Variants in PDXDC1 observed in about 807,000 individuals in gnomAD.
PDXDC1 encodes pyridoxal dependent decarboxylase domain containing 1, also known as pyridoxal-dependent decarboxylase domain-containing protein 1.
In PDXDC1, 42 loss-of-function variants were observed where a neutral mutation model predicts 100.1. That is an observed-to-expected ratio of 0.42 (90% CI 0.33 to 0.54). The LOEUF (loss-of-function observed/expected upper bound fraction) is 0.54, where lower values mean the gene tolerates loss of function less well. Among genes scored for constraint, PDXDC1 ranks in the 20% least tolerant of loss-of-function variants. The pLI is 0.10. For missense variants in PDXDC1, 636 were observed against 979.2 expected (o/e 0.65, Z 4.68); for synonymous variants, 260 against 371.7 (o/e 0.70, Z 3.46).
At chr16:14,993,132 A>T (rs1318711442) in intron 1 of PDXDC1, among the ~76,000 whole-genome samples, 2 of 152,254 alleles carry the variant, frequency 1.3e-5, no homozygotes. Flanking sequence ...TTTAAAAAAA[A>T]ATTTTTTTTT....
chr16:15,022,899 GAAACAAA>G (rs1567693989), intron 13 of PDXDC1, 145 bp downstream of exon 13: 2 of 741,124 alleles, frequency 2.7e-6, no homozygotes, highest in East Asian at 6.0e-5. Context: ...ACAAAAAAAC[GAAACAAA>G]AAACAAAAAC....
chr16:15,048,067 A>C (rs751364023), intron 16 of PDXDC1: 2 of 1,612,638 alleles, frequency 1.2e-6, no homozygotes, highest in African/African-American at 1.3e-5. Flanking sequence ...CCACTTGTTG[A>C]ACAGACTGAC....
intron 16 of PDXDC1, among the ~76,000 whole-genome samples, chr16:15,122,508 T>C (rs910240086): frequency 6.9e-6 from 1 of 145,818 alleles, no homozygotes; most frequent in African/African-American, 2.6e-5. Flanking sequence ...AGCTGTGTAA[T>C]TTCATGCCGC....
intron 16 of PDXDC1, chr16:15,048,071 G>T: frequency 6.2e-7 from 1 of 1,611,810 alleles, no homozygotes; most frequent in Non-Finnish European, 8.5e-7. Context: ...TTGTTGAACA[G>T]ACTGACCTCT....
At chr16:15,102,514 G>A (rs1397370336) in intron 16 of PDXDC1, among the ~76,000 whole-genome samples, 2 of 150,390 alleles carry the variant, frequency 1.3e-5, no homozygotes, top group East Asian at 2.0e-4. Flanking sequence ...AGAGAGAGGA[G>A]TCATGTGTCA....
At chr16:15,131,114 G>A (rs1382179198) in intron 16 of PDXDC1, 9 of 1,606,194 alleles carry the variant, frequency 5.6e-6, no homozygotes, top group Non-Finnish European at 7.6e-6. Flanking sequence ...TTGAGCTGCA[G>A]ATGCAGCACG....
intron 22 of PDXDC1, 95 bp downstream of exon 22, chr16:15,035,648 A>T (rs375599993): frequency 4.4e-6 from 3 of 677,946 alleles, no homozygotes; most frequent in Non-Finnish European, 7.4e-6. Context: ...CCAGAGGTCT[A>T]TTTCTCTTAA....
chr16:15,072,230 C>T (rs897910671), intron 16 of PDXDC1, among the ~76,000 whole-genome samples: 199 of 119,650 alleles, frequency 1.7e-3, no homozygotes, highest in Non-Finnish European at 2.2e-3. Flanking sequence ...AAGCCTTCTA[C>T]ATTCTTTCCC....
downstream of PDXDC1, chr16:15,040,345 T>C (rs747795500): frequency 4.4e-5 from 17 of 383,340 alleles, no homozygotes; most frequent in East Asian, 1.4e-4. Flanking sequence ...CAGTCGGACA[T>C]GTAGCAAAAC....
intron 17 of PDXDC1, 45 bp from the exon 18 acceptor site, chr16:15,032,816 A>G (rs2043148165): frequency 2.8e-6 from 3 of 1,071,222 alleles, no homozygotes; most frequent in Non-Finnish European, 2.9e-6. Context: ...CAGAAGAGAC[A>G]TTTGATCTTT....
At chr16:14,986,091 C>G (rs8052590) in intron 1 of PDXDC1, among the ~76,000 whole-genome samples, 3 of 151,498 alleles carry the variant, frequency 2.0e-5, no homozygotes, top group Admixed American at 1.3e-4. Flanking sequence ...AGAGCGAGGT[C>G]ATGTCTCAAA....
chr16:15,046,800 A>G (rs6498541), intron 16 of PDXDC1, among the ~76,000 whole-genome samples: 45,792 of 150,296 alleles, frequency 0.3, 7,445 homozygotes, highest in Admixed American at 0.45. Flanking sequence ...ACCTGAGTCC[A>G]CAAAGTCAAG....
chr16:15,004,366 T>C (rs1180590011), intron 5 of PDXDC1, 33 bp downstream of exon 5: 46 of 1,612,614 alleles, frequency 2.9e-5, no homozygotes, highest in Middle Eastern at 3.3e-4. Flanking sequence ...GTGAAGACTT[T>C]TATGAGTCGG....
At chr16:15,053,051 T>C (rs2151731676) in intron 16 of PDXDC1, among the ~76,000 whole-genome samples, 1 of 152,324 alleles carries the variant, frequency 6.6e-6, no homozygotes, top group Admixed American at 6.5e-5. Flanking sequence ...TTAGTAGCCA[T>C]GCTGTCTGCT....
At chr16:15,123,295 T>G in intron 16 of PDXDC1, 1 of 1,463,144 alleles carries the variant, frequency 6.8e-7, no homozygotes, top group South Asian at 1.2e-5. Flanking sequence ...ACAAACCTGA[T>G]TTCTGGTCCA....
At chr16:15,083,204 G>C (rs1483599740) in intron 16 of PDXDC1, among the ~76,000 whole-genome samples, 1 of 152,186 alleles carries the variant, frequency 6.6e-6, no homozygotes, top group Non-Finnish European at 1.5e-5. Flanking sequence ...TTCGATACCA[G>C]TGTGGCCAAT....
At position 15,018,940 on chromosome 16, in the gene PDXDC1, A is replaced by C. The variant is rs747667244; in HGVS notation, c.1064A>C (p.Glu355Ala). 1 of 1,609,036 alleles carries C rather than the reference A, an allele frequency of 6.2e-7. No homozygotes were observed. Among genetic ancestry groups the C allele is most frequent in the Admixed American group, 1.7e-5 (1 of 59,494 alleles). Residue 355 changes from glutamate to alanine, a missense_variant, in exon 12 of 23, where the codon GAG becomes GCG. Transcript: ENST00000396410. Reference sequence around the variant, plus strand: ...TACTTGGGACTTGATGGGTTTGTGGAGAGGATCAAGCATGCCTGTCAACTG... The same window carrying C: ...TACTTGGGACTTGATGGGTTTGTGGCGAGGATCAAGCATGCCTGTCAACTG... The part of the protein sequence containing the change: ...LQYLGLDGFV[E>A]RIKHACQLSQ...
chr16:15,148,673 C>G, the PDXDC1 span, among the ~76,000 whole-genome samples: 1 of 151,626 alleles, frequency 6.6e-6, no homozygotes, highest in African/African-American at 2.4e-5. Flanking sequence ...CGTGAGTGAC[C>G]CCTTGTCCAT....
intron 1 of PDXDC1, among the ~76,000 whole-genome samples, chr16:14,981,473 C>G (rs1475884446): frequency 2.6e-5 from 4 of 152,300 alleles, no homozygotes; most frequent in Non-Finnish European, 5.9e-5. Context: ...ATAACAGTAT[C>G]TGCTTCTGTT....
Sources: allele counts gnomAD v4.1 joint callset (sites outside exome capture counted in the v4.1 genomes callset), GRCh38; gene constraint gnomAD v4.1.1; transcripts MANE v1.5; gene names NCBI Gene and HGNC (gene_info 2026-07-23, HGNC 2026-07-21).